PPARGC1A: variants seen among roughly 807,000 people sequenced by gnomAD.
The protein encoded by PPARGC1A is peroxisome proliferator-activated receptor gamma coactivator 1-alpha.
In PPARGC1A, 25 loss-of-function variants were observed where a neutral mutation model predicts 88.7. The observed-to-expected ratio is 0.28, with a 90% CI of 0.21 to 0.39. The LOEUF is 0.39. PPARGC1A is among the 10% of genes least tolerant of loss of function. The probability of loss-of-function intolerance (pLI) is 1.00; values close to 1 mark genes in which losing one functional copy is unlikely to be tolerated. For synonymous variants in PPARGC1A, 363 were observed against 355.6 expected, an observed-to-expected ratio of 1.02 and a Z score of -0.24; for missense variants, 880 against 968.7, an observed-to-expected ratio of 0.91 and a Z score of 1.22.
chr4:24,278,983 A>G, the PPARGC1A span, among the ~76,000 whole-genome samples: 3 of 150,244 alleles, frequency 2.0e-5, no homozygotes, highest in African/African-American at 7.3e-5. Context: ...CAAAAATACT[A>G]AATAGAAACT....
chr4:23,883,348 T>C, intron 2 of PPARGC1A: 1 of 152,226 alleles, frequency 6.6e-6, no homozygotes, highest in African/African-American at 2.4e-5. Flanking sequence ...TAACTCTACC[T>C]CCGTGCCAAC....
chr4:23,841,234 A>G (rs1358111909), intron 2 of PPARGC1A, among the ~76,000 whole-genome samples: 1 of 152,124 alleles, frequency 6.6e-6, no homozygotes, highest in East Asian at 1.9e-4. Flanking sequence ...ATGCAGGAGT[A>G]TTGACTCTCT....
At chr4:23,991,268 T>C in the PPARGC1A span, among the ~76,000 whole-genome samples, 1 of 152,048 alleles carries the variant, frequency 6.6e-6, no homozygotes, top group Non-Finnish European at 1.5e-5. Context: ...GAAAGTTCTA[T>C]GAAATGAGGA....
At chr4:23,919,866 A>G in the PPARGC1A span, among the ~76,000 whole-genome samples, 1 of 152,188 alleles carries the variant, frequency 6.6e-6, no homozygotes, top group African/African-American at 2.4e-5. Context: ...CTTGGATCAA[A>G]TCGGAAGAAT....
chr4:24,349,929 C>A, the PPARGC1A span, among the ~76,000 whole-genome samples: 1 of 152,196 alleles, frequency 6.6e-6, no homozygotes, highest in Non-Finnish European at 1.5e-5. Context: ...CCCTGTGGTG[C>A]CAGGCAGGAA....
the PPARGC1A span, among the ~76,000 whole-genome samples, chr4:24,388,368 G>T: frequency 3.8e-4 from 58 of 152,290 alleles, 1 homozygote; most frequent in African/African-American, 1.3e-3. Context: ...TTACATCGTT[G>T]GTGGGAGCGT....
intron 2 of PPARGC1A, chr4:23,877,637 C>A (rs1316140321): frequency 1.3e-5 from 2 of 149,582 alleles, no homozygotes; most frequent in Admixed American, 6.7e-5. Flanking sequence ...ACATCACAGG[C>A]AATTCATTTT....
chr4:23,998,108 C>A, the PPARGC1A span, among the ~76,000 whole-genome samples: 22 of 152,062 alleles, frequency 1.4e-4, no homozygotes, highest in Admixed American at 5.2e-4. Flanking sequence ...TCCACATGAC[C>A]CCTGGCAGGT....
intron 2 of PPARGC1A, among the ~76,000 whole-genome samples, chr4:23,876,329 T>A (rs923479985): frequency 6.6e-6 from 1 of 152,226 alleles, no homozygotes; most frequent in African/African-American, 2.4e-5. Context: ...CCATAATCTC[T>A]GAAATGTTAC....
At chr4:24,039,309 A>AAC in the PPARGC1A span, among the ~76,000 whole-genome samples, 1 of 152,190 alleles carries the variant, frequency 6.6e-6, no homozygotes, top group Non-Finnish European at 1.5e-5. Context: ...AGTAATTGAA[A>AAC]ACACACAATT....
At chr4:24,361,320 T>A in the PPARGC1A span, among the ~76,000 whole-genome samples, 1 of 152,188 alleles carries the variant, frequency 6.6e-6, no homozygotes, top group Non-Finnish European at 1.5e-5. Context: ...ACAGATTCAG[T>A]GAGAACCTAC....
chr4:23,880,711 T>G (rs1715752024), intron 2 of PPARGC1A: 1 of 151,578 alleles, frequency 6.6e-6, no homozygotes, highest in Non-Finnish European at 1.5e-5. Context: ...TACACACAAA[T>G]ACAAAACCAC....
chr4:24,183,611 G>A, the PPARGC1A span, among the ~76,000 whole-genome samples: 1 of 152,146 alleles, frequency 6.6e-6, no homozygotes, highest in African/African-American at 2.4e-5. Context: ...CTGATATTCA[G>A]AACAGACTTG....
the PPARGC1A span, among the ~76,000 whole-genome samples, chr4:24,298,835 G>A: frequency 3.9e-5 from 6 of 152,232 alleles, no homozygotes; most frequent in Non-Finnish European, 5.9e-5. Context: ...GGTATCTGTC[G>A]TACAAATTTA....
At chr4:24,358,931 T>G in the PPARGC1A span, among the ~76,000 whole-genome samples, 1 of 152,196 alleles carries the variant, frequency 6.6e-6, no homozygotes, top group Non-Finnish European at 1.5e-5. Context: ...TTCCCACCTA[T>G]GTGTTTCTTC....
chr4:24,009,205 A>G, the PPARGC1A span, among the ~76,000 whole-genome samples: 1 of 149,030 alleles, frequency 6.7e-6, no homozygotes, highest in Non-Finnish European at 1.5e-5. Flanking sequence ...TATCAATTTT[A>G]CATAATTAAT....
At position 23,814,507 on chromosome 4, in the gene PPARGC1A, G is replaced by T. The variant is rs1721560122; in HGVS notation, c.976C>A (p.Pro326Thr). 1 of 1,613,528 alleles carries T rather than the reference G, an allele frequency of 6.2e-7. No individual in the cohort carries two copies. Among genetic ancestry groups the T allele is most frequent in the Non-Finnish European group, 8.5e-7 (1 of 1,179,878 alleles). ...CTGTACCTGGGCTTCTTTGATGGTG[G>T]TGGCACCACAGTCTTGCAAGAGGAC... ...LKSSCKTVVP[P>T]PSKKPRYSES... The change falls in exon 8 of 13, where the codon CCA (proline) becomes ACA (threonine). Residue 326 changes from proline to threonine, a missense_variant. Transcript: ENST00000264867.
the PPARGC1A span, among the ~76,000 whole-genome samples, chr4:24,189,381 A>G: frequency 6.6e-6 from 1 of 152,214 alleles, no homozygotes; most frequent in East Asian, 1.9e-4. Context: ...CCTGAAATAG[A>G]TACCTGAATT....
the PPARGC1A span, among the ~76,000 whole-genome samples, chr4:24,245,329 G>A: frequency 6.6e-6 from 1 of 152,192 alleles, no homozygotes; most frequent in South Asian, 2.1e-4. Flanking sequence ...GGTCAGATAA[G>A]CAAGTGCTTG....
Sources: gnomAD v4.1 joint callset for allele counts (sites outside exome capture counted in the v4.1 genomes callset) on GRCh38, gnomAD v4.1.1 for gene constraint, MANE v1.5 for transcripts, NCBI Gene and HGNC (gene_info 2026-07-23, HGNC 2026-07-21) for gene names.